Variants in RUSF1 observed in about 807,000 individuals in gnomAD.
RUSF1 encodes the protein RUS1 family protein C16orf58.
Under a neutral mutation model 63.0 loss-of-function variants are expected in RUSF1, and 58 were observed. The ratio of observed to expected loss-of-function variants is 0.92; its 90% CI spans 0.75 to 1.15. RUSF1 has a LOEUF of 1.15. RUSF1 is among the 50% of genes most tolerant of loss of function. The pLI is 0.00. For synonymous variants in RUSF1, 274 were observed against 255.8 expected (o/e 1.07, Z -0.68); for missense variants, 652 against 611.0 (o/e 1.07, Z -0.71).
chr16:31,491,923 C>G, intron 12 of RUSF1, 86 bp downstream of exon 12: 8 of 1,396,914 alleles, frequency 5.7e-6, no homozygotes, highest in Non-Finnish European at 8.0e-6. Flanking sequence ...TTTTACCTTT[C>G]AGGTGAAAGG....
chr16:31,498,244 T>G (rs1165352528), intron 5 of RUSF1, among the ~76,000 whole-genome samples: 2 of 152,052 alleles, frequency 1.3e-5, no homozygotes, highest in African/African-American at 4.8e-5. Context: ...CCTGTTCCAT[T>G]CCCTTGTTGG....
chr16:31,492,474 T>C, intron 10 of RUSF1, 134 bp from the exon 11 acceptor site: 1 of 1,023,048 alleles, frequency 9.8e-7, no homozygotes, highest in South Asian at 2.4e-5. Flanking sequence ...ACCCTTTCCT[T>C]TCCAATTCAT....
chr16:31,490,379 G>C lies in RUSF1; in HGVS notation c.*456C>G. The C allele has an allele frequency of 6.2e-7, 1 of 1,613,336 alleles. No homozygotes were observed. The highest frequency in any genetic ancestry group is 1.3e-5 in the African/African-American group (1 of 75,060). On this transcript the variant is annotated 3_prime_UTR_variant, in exon 13 of 13. Coordinates refer to ENST00000327237, the MANE Select transcript of RUSF1 (RefSeq NM_022744.4). ...GGTTTTGTGGAATGAGCAGAGGTGG[G>C]GTGGGCAGTCCTCCGCCCCTTACCC...
At chr16:31,506,990 G>A (rs1045939855) in intron 2 of RUSF1, among the ~76,000 whole-genome samples, 115 of 152,198 alleles carry the variant, frequency 7.6e-4, no homozygotes, top group African/African-American at 2.6e-3. Flanking sequence ...CTGATGCTAC[G>A]AATGGAAAGC....
chr16:31,505,053 A>G (rs1248363252), intron 2 of RUSF1, among the ~76,000 whole-genome samples: 1 of 152,176 alleles, frequency 6.6e-6, no homozygotes, highest in East Asian at 1.9e-4. Context: ...CTACTGAGAC[A>G]GCCTGAGATG....
chr16:31,506,507 C>T (rs767581244), intron 2 of RUSF1, among the ~76,000 whole-genome samples: 2 of 152,210 alleles, frequency 1.3e-5, no homozygotes, highest in Non-Finnish European at 1.5e-5. Flanking sequence ...ACAAGCCGGG[C>T]GCAGTGGCTC....
chr16:31,495,555 T>C (rs766392037), intron 6 of RUSF1, among the ~76,000 whole-genome samples: 3 of 151,774 alleles, frequency 2.0e-5, no homozygotes, highest in Non-Finnish European at 4.4e-5. Flanking sequence ...GAAAAATGGC[T>C]TGGGGTTAGG....
At position 31,490,691 on chromosome 16, in the gene RUSF1, T is replaced by A. The variant is rs1343115294; in HGVS notation, c.*144A>T. 2.2e-5 allele frequency: 24 copies of A among 1,112,762 alleles called. 1 individual carries two copies. The highest frequency in any genetic ancestry group is 3.9e-4 in the Middle Eastern group (2 of 5,078). The allele number at this position is 1,112,762 out of a possible 1,614,324, so 68.9% of individuals were successfully genotyped here. A position where few individuals can be genotyped will look rare whatever the true frequency, so the allele number is the denominator to read the frequency against. On this transcript the variant is annotated 3_prime_UTR_variant, in exon 13 of 13. Coordinates refer to ENST00000327237, the MANE Select transcript of RUSF1 (RefSeq NM_022744.4). ...TCTGCCTGGGGCCCACTGCATCTGA[T>A]TGGCAGTCACTTCCCATGAGGGCCT...
chr16:31,493,551 T>C (rs2082585618), intron 8 of RUSF1, 27 bp from the exon 9 acceptor site: 6 of 1,613,896 alleles, frequency 3.7e-6, no homozygotes, highest in Non-Finnish European at 4.2e-6. Context: ...TCAGGATGCC[T>C]AGGCAGTGGG....
chr16:31,508,228 G>T lies in RUSF1; in HGVS notation c.146C>A (p.Thr49Lys). ...CGCATCTCGTCCTTCAGGTTTGACC[G>T]TGAAGGCCCTGGAGAGCCCCCACCA... ...WRWWGLSRAFTVKPEGRDAGE... is the reference protein window; with the variant it reads ...WRWWGLSRAFKVKPEGRDAGE... Residue 49 changes from threonine (T) to lysine (K), a missense_variant, in exon 1 of 13, where the codon ACG becomes AAG. Physicochemically the swap from Thr to Lys is moderately conservative, Grantham distance 78. Coordinates refer to ENST00000327237, the MANE Select transcript of RUSF1 (RefSeq NM_022744.4). The T allele has an allele frequency of 1.9e-6, 3 of 1,564,050 alleles. No individual in the cohort carries two copies. In the East Asian group the frequency reaches 7.2e-5, roughly 37 times the overall value.
Position 31,493,021 on chromosome 16 carries a change from C to A in RUSF1, c.1044G>T (p.Glu348Asp), listed in dbSNP as rs1204296390. Residue 348 changes from glutamate to aspartate, a missense_variant, in exon 10 of 13, where the codon GAG (glutamate) becomes GAT (aspartate). Physicochemically the swap from Glu to Asp is conservative, Grantham distance 45. Coordinates refer to ENST00000327237, the MANE Select transcript of RUSF1 (RefSeq NM_022744.4). ...SSVFELQQLV[E>D]GHQESYLLCW... ...AGAGGAGGTAGGATTCTTGGTGCCC[C>A]TCAACCAGCTGCTGCAGCTCAAAGA... 1 of 1,613,972 alleles carries A rather than the reference C, an allele frequency of 6.2e-7. No homozygotes were observed. The highest frequency in any genetic ancestry group is 1.1e-5 in the South Asian group (1 of 91,064).
Position 31,493,034 on chromosome 16 carries a change from T to C in RUSF1, c.1031A>G (p.Gln344Arg). ...HRLVSSVFEL[Q>R]QLVEGHQESY... Reference sequence around the variant, plus strand: ...TTCTTGGTGCCCCTCAACCAGCTGCTGCAGCTCAAAGACACTGTGGGGGAG... The same window carrying C: ...TTCTTGGTGCCCCTCAACCAGCTGCCGCAGCTCAAAGACACTGTGGGGGAG... The change falls in exon 10 of 13, where the codon CAG (glutamine) becomes CGG (arginine). Residue 344 changes from glutamine to arginine, a missense_variant. Coordinates refer to ENST00000327237, the MANE Select transcript of RUSF1 (RefSeq NM_022744.4). 1.9e-6 allele frequency: 3 copies of C among 1,613,808 alleles called. No individual in the cohort carries two copies. Among genetic ancestry groups the C allele is most frequent in the Non-Finnish European group, 2.5e-6 (3 of 1,179,946 alleles).
At position 31,490,276 on chromosome 16, in the gene RUSF1, G is replaced by A. The variant is rs376265028; in HGVS notation, c.*559C>T. ...GTGGGGCTGGAGGAGCTGAGTTCCC[G>A]CAAACTAACTGCAGGGCCTCAATTT... On this transcript the variant is annotated 3_prime_UTR_variant, in exon 13 of 13. Coordinates refer to ENST00000327237, the MANE Select transcript of RUSF1 (RefSeq NM_022744.4). The A allele has an allele frequency of 1.2e-6, 2 of 1,613,594 alleles. No homozygotes were observed. Among genetic ancestry groups the A allele is most frequent in the African/African-American group, 1.3e-5 (1 of 75,038 alleles).
rs571746356 is a variant in RUSF1 at position 31,498,545 on chromosome 16, G to T, written c.600+757C>A. ...TTCTTGAGTTTCTCCTCTGGGCCAG[G>T]GACTTAACTCTGACAGGATATGCTC... is the stretch of plus-strand genomic sequence containing the variant. On this transcript the variant is annotated intron_variant, in intron 5 of 12. Transcript: ENST00000327237. Among the ~76,000 whole-genome samples the T allele has an allele frequency of 7.9e-5, 12 of 152,278 alleles. No homozygotes were observed. In the South Asian group the frequency reaches 2.5e-3, roughly 32 times the overall value.
At chr16:31,506,624 A>G (rs2082660308) in intron 2 of RUSF1, among the ~76,000 whole-genome samples, 1 of 152,224 alleles carries the variant, frequency 6.6e-6, no homozygotes, top group African/African-American at 2.4e-5. Context: ...TCTACTAAAA[A>G]TACAAAAAAT....
At position 31,490,709 on chromosome 16, in the gene RUSF1, G is replaced by A. The variant is rs1351838328; in HGVS notation, c.*126C>T. On this transcript the variant is annotated 3_prime_UTR_variant, in exon 13 of 13. Transcript: ENST00000327237. Reference sequence around the variant, plus strand: ...CATCTGATTGGCAGTCACTTCCCATGAGGGCCTGGCCCACCCGCTGCAGTT... The same window carrying A: ...CATCTGATTGGCAGTCACTTCCCATAAGGGCCTGGCCCACCCGCTGCAGTT... 4.1e-6 allele frequency: 5 copies of A among 1,207,842 alleles called. No homozygotes were observed. Among genetic ancestry groups the A allele is most frequent in the Non-Finnish European group, 6.0e-6 (5 of 828,316 alleles). 74.8% of individuals were successfully genotyped at this position (1,207,842 alleles called of 1,614,324 possible). A position where few individuals can be genotyped will look rare whatever the true frequency, so the allele number is the denominator to read the frequency against.
rs1290366459 is a variant in RUSF1, at chr16:31,507,803, C to T, written c.376G>A (p.Ala126Thr). The T allele has an allele frequency of 1.9e-6, 3 of 1,577,628 alleles. No individual in the cohort carries two copies. Among genetic ancestry groups the T allele is most frequent in the South Asian group, 2.3e-5 (2 of 85,844 alleles). ...LLGIGVGNAK[A>T]TVSAATATWL... is the part of the protein sequence containing the mutation. Reference sequence around the variant, plus strand: ...GTGGCCGTGGCAGCTGAAACAGTGGCTTTTGCGTTCCCCACCCCTATGCCC... The same window carrying T: ...GTGGCCGTGGCAGCTGAAACAGTGGTTTTTGCGTTCCCCACCCCTATGCCC... Residue 126 changes from alanine (A) to threonine (T), a missense_variant, in exon 2 of 13, where the codon GCC (alanine) becomes ACC (threonine). Ala to Thr is a moderately conservative substitution (Grantham distance 58). Coordinates refer to ENST00000327237, the MANE Select transcript of RUSF1 (RefSeq NM_022744.4).
At chr16:31,490,976 G>C (rs754433586) in intron 12 of RUSF1, 44 bp from the exon 13 acceptor site, 8 of 1,593,080 alleles carry the variant, frequency 5.0e-6, no homozygotes, top group African/African-American at 1.3e-5. Context: ...CTGGGGACAA[G>C]GGTAAGGAGA....
At position 31,493,567 on chromosome 16, in the gene RUSF1, T is replaced by G. The variant is rs758608371; in HGVS notation, c.958+36A>C. 5 of 1,613,622 alleles carry G rather than the reference T, an allele frequency of 3.1e-6. No individual in the cohort carries two copies. The East Asian group carries it at 1.1e-4, about 36-fold the overall frequency. On this transcript the variant is annotated intron_variant, in intron 8 of 12. Coordinates refer to ENST00000327237, the MANE Select transcript of RUSF1 (RefSeq NM_022744.4). ...CAGGATGCCTAGGCAGTGGGAGAGG[T>G]TGAGACACAGGACCCGAGACCAGGG...
Sources: allele counts gnomAD v4.1 joint callset (sites outside exome capture counted in the v4.1 genomes callset), GRCh38; gene constraint gnomAD v4.1.1; transcripts MANE v1.5; gene names NCBI Gene and HGNC (gene_info 2026-07-23, HGNC 2026-07-21).